ASTN2: variants seen among roughly 807,000 people sequenced by gnomAD.
The protein encoded by ASTN2 is astrotactin 2.
A neutral mutation model predicts 139.8 loss-of-function variants in ASTN2; 54 were observed. The observed-to-expected ratio is 0.39, with a 90% CI of 0.31 to 0.48. ASTN2 has a LOEUF of 0.48. ASTN2 is among the 20% of genes least tolerant of loss of function. The probability of loss-of-function intolerance (pLI) is 0.95; values close to 1 mark genes in which losing one functional copy is unlikely to be tolerated. For synonymous variants in ASTN2, 756 were observed against 719.5 expected (o/e 1.05, Z -0.81); for missense variants, 1,565 against 1,725.1 (o/e 0.91, Z 1.64).
At chr9:117,282,609 C>T (rs992723695) in intron 2 of ASTN2, among the ~76,000 whole-genome samples, 1 of 149,656 alleles carries the variant, frequency 6.7e-6, no homozygotes, top group African/African-American at 2.6e-5. Context: ...TGGGCTTGGC[C>T]ATGTGATGTG....
intron 15 of ASTN2, among the ~76,000 whole-genome samples, chr9:116,726,366 A>G (rs1828624112): frequency 6.6e-6 from 1 of 152,164 alleles, no homozygotes; most frequent in African/African-American, 2.4e-5. Flanking sequence ...AACAACACCC[A>G]TTGTATAATG....
chr9:116,686,386 T>A (rs1292432315), intron 16 of ASTN2, among the ~76,000 whole-genome samples: 1 of 152,150 alleles, frequency 6.6e-6, no homozygotes, highest in Non-Finnish European at 1.5e-5. Flanking sequence ...TTAGTCATTG[T>A]TTTTGTTTAT....
chr9:116,743,536 G>T (rs959500462), intron 13 of ASTN2, among the ~76,000 whole-genome samples: 6 of 152,088 alleles, frequency 3.9e-5, no homozygotes, highest in African/African-American at 1.2e-4. Flanking sequence ...CAGTGAGACG[G>T]GATCTCACTC....
chr9:116,992,017 C>T (rs1929003), intron 7 of ASTN2, among the ~76,000 whole-genome samples: 60,999 of 152,054 alleles, frequency 0.4, 14,818 homozygotes, highest in South Asian at 0.56. Flanking sequence ...GAGCACATCC[C>T]TTCAAGACAA....
At chr9:117,021,297 T>C (rs1385912726) in intron 6 of ASTN2, among the ~76,000 whole-genome samples, 1 of 152,154 alleles carries the variant, frequency 6.6e-6, no homozygotes, top group African/African-American at 2.4e-5. Flanking sequence ...TGAGCTAAAC[T>C]ATGGGATACA....
intron 4 of ASTN2, among the ~76,000 whole-genome samples, chr9:117,098,983 G>C (rs144311856): frequency 4.0e-5 from 6 of 151,570 alleles, no homozygotes; most frequent in African/African-American, 1.2e-4. Context: ...CAGCATGTAC[G>C]TGTAATCCCA....
intron 19 of ASTN2, among the ~76,000 whole-genome samples, chr9:116,523,800 C>T (rs1012152172): frequency 6.6e-6 from 1 of 152,114 alleles, no homozygotes; most frequent in Non-Finnish European, 1.5e-5. Flanking sequence ...ATTTGCTAAA[C>T]CAAGCAGTTC....
rs1265077748 is a variant in ASTN2 at position 116,425,958 on chromosome 9, G to A, written c.3913C>T (p.Pro1305Ser). 1 of 1,614,158 alleles carries A rather than the reference G, an allele frequency of 6.2e-7. No homozygotes were observed. The highest frequency in any genetic ancestry group is 1.1e-5 in the South Asian group (1 of 91,078). Residue 1305 changes from proline to serine, a missense_variant, in exon 23 of 23, where the codon CCT becomes TCT. By Grantham distance (74) the Pro-to-Ser change is moderately conservative. Coordinates refer to ENST00000313400, the MANE Select transcript of ASTN2 (RefSeq NM_001365068.1). ...YLFCRSEEVR[P>S]AGMVWYSILK... ...ATGCTATACCACACCATGCCTGCAG[G>A]CCGGACCTCCTCGCTGCGGCAGAAA...
rs117538448 is a variant in ASTN2, at chr9:116,628,221, T to C, written c.3073-7778A>G. Reference sequence around the variant, plus strand: ...AGCAATATCATATAGTTCAATGTAATAGAAGCCACAAGTGTGAACAAAATC... The same window carrying C: ...AGCAATATCATATAGTTCAATGTAACAGAAGCCACAAGTGTGAACAAAATC... On this transcript the variant is annotated intron_variant, in intron 17 of 22. Transcript: ENST00000313400. Among the ~76,000 whole-genome samples, 461 of 152,224 alleles carry C rather than the reference T, an allele frequency of 3.0e-3. 2 individuals are homozygous for C. Among genetic ancestry groups the C allele is most frequent in the Non-Finnish European group, 5.4e-3 (367 of 68,004 alleles).
chr9:116,925,136 G>T (rs1439094005), intron 10 of ASTN2, among the ~76,000 whole-genome samples: 1 of 152,060 alleles, frequency 6.6e-6, no homozygotes, highest in Non-Finnish European at 1.5e-5. Flanking sequence ...TAATATAAAA[G>T]AATCATTTCC....
At chr9:116,796,738 A>T (rs1472592058) in intron 13 of ASTN2, among the ~76,000 whole-genome samples, 1 of 152,154 alleles carries the variant, frequency 6.6e-6, no homozygotes, top group East Asian at 1.9e-4. Context: ...AGTTCTGGAG[A>T]TCTATTACAT....
chr9:117,237,485 G>C (rs1247391810), intron 2 of ASTN2, among the ~76,000 whole-genome samples: 1 of 152,058 alleles, frequency 6.6e-6, no homozygotes, highest in Non-Finnish European at 1.5e-5. Flanking sequence ...TCTGGAGGCT[G>C]AGTTCTTCTT....
chr9:116,863,834 A>G (rs973153488), intron 10 of ASTN2, 101 bp from the exon 11 acceptor site: 2 of 1,233,078 alleles, frequency 1.6e-6, no homozygotes, highest in African/African-American at 3.1e-5. Flanking sequence ...TAACTTACTT[A>G]TAATCAGGAA....
chr9:116,677,744 C>G (rs925979310), intron 16 of ASTN2, among the ~76,000 whole-genome samples: 10 of 152,274 alleles, frequency 6.6e-5, no homozygotes, highest in Admixed American at 5.9e-4. Context: ...TTTGGGGACC[C>G]AGGATCCAGT....
intron 4 of ASTN2, among the ~76,000 whole-genome samples, chr9:117,105,353 G>A (rs1564427772): frequency 6.6e-6 from 1 of 152,102 alleles, no homozygotes; most frequent in Admixed American, 6.5e-5. Context: ...ACATAGAAAG[G>A]CTATGTGTAA....
At chr9:117,062,098 C>A (rs998276813) in intron 5 of ASTN2, among the ~76,000 whole-genome samples, 1 of 152,136 alleles carries the variant, frequency 6.6e-6, no homozygotes, top group Non-Finnish European at 1.5e-5. Flanking sequence ...CTGTACCACA[C>A]GATGAATTAT....
rs184729968 is a variant in ASTN2 at position 117,198,357 on chromosome 9, T to C, written c.1015+16001A>G. ...ATCCATGTCCCTGCAAAAGACATGATCTCATTCCTTTTTATGGCTGCATAG... is the reference window on the plus strand; with the variant it reads ...ATCCATGTCCCTGCAAAAGACATGACCTCATTCCTTTTTATGGCTGCATAG... On this transcript the variant is annotated intron_variant, in intron 3 of 22. Transcript: ENST00000313400. Among the ~76,000 whole-genome samples the C allele has an allele frequency of 7.9e-4, 121 of 152,286 alleles. 1 individual carries two copies. In the East Asian group the frequency reaches 0.022, roughly 28 times the overall value.
intron 1 of ASTN2, among the ~76,000 whole-genome samples, chr9:117,327,820 AAATAAAGC>A (rs1242536090): frequency 6.6e-6 from 1 of 152,204 alleles, no homozygotes; most frequent in African/African-American, 2.4e-5. Flanking sequence ...ATCCAGTGAT[AAATAAAGC>A]AATCATTCAA....
Position 117,215,132 on chromosome 9 carries a change from A to G in ASTN2, c.631-390T>C, listed in dbSNP as rs891014392. On this transcript the variant is annotated intron_variant, in intron 2 of 22. Transcript: ENST00000313400. ...CGGCTTCACACAGGTGAATGTCTGA[A>G]TCTAGACTCCATCTCCCACCAGCTG... is the stretch of plus-strand genomic sequence containing the variant. 3.3e-5 allele frequency among the ~76,000 whole-genome samples: 5 copies of G among 152,204 alleles called. No individual in the cohort carries two copies. In the South Asian group the frequency reaches 8.3e-4, roughly 25 times the overall value.
Sources: allele counts gnomAD v4.1 joint callset (sites outside exome capture counted in the v4.1 genomes callset), GRCh38; gene constraint gnomAD v4.1.1; transcripts MANE v1.5; gene names NCBI Gene and HGNC (gene_info 2026-07-23, HGNC 2026-07-21).